SIRT5: variants seen among roughly 807,000 people sequenced by gnomAD.
SIRT5 encodes NAD-dependent protein deacylase sirtuin-5, mitochondrial.
A neutral mutation model predicts 40.0 loss-of-function variants in SIRT5; 26 were observed. The ratio of observed to expected loss-of-function variants is 0.65; its 90% CI spans 0.48 to 0.90. SIRT5 has a LOEUF of 0.90. SIRT5 is among the 40% of genes least tolerant of loss of function. The pLI is 0.00. For missense variants in SIRT5, 401 were observed against 402.4 expected, an observed-to-expected ratio of 1.00 and a Z score of 0.03; for synonymous variants, 146 against 149.1, an observed-to-expected ratio of 0.98 and a Z score of 0.15.
At chr6:13,591,633 T>A in intron 4 of SIRT5, 36 bp from the exon 5 acceptor site, 1 of 1,472,732 alleles carries the variant, frequency 6.8e-7, no homozygotes, top group Non-Finnish European at 9.1e-7. Context: ...TGGCTGTCTC[T>A]GCCTCCCTCA....
intron 9 of SIRT5, among the ~76,000 whole-genome samples, chr6:13,611,072 A>G (rs569723818): frequency 6.6e-6 from 1 of 151,734 alleles, no homozygotes; most frequent in Non-Finnish European, 1.5e-5. Context: ...GAAGCTAGTC[A>G]GAAAGTTCAA....
At chr6:13,593,653 GT>G (rs1331089923) in intron 5 of SIRT5, among the ~76,000 whole-genome samples, 1 of 151,798 alleles carries the variant, frequency 6.6e-6, no homozygotes, top group African/African-American at 2.4e-5. Context: ...CTGATGAAGG[GT>G]TTTTTTTAAG....
At chr6:13,582,697 CA>C in intron 2 of SIRT5, among the ~76,000 whole-genome samples, 1 of 151,490 alleles carries the variant, frequency 6.6e-6, no homozygotes, top group Non-Finnish European at 1.5e-5. Flanking sequence ...TTTCTGCCCC[CA>C]CAGTTTTGTT....
chr6:13,590,633 G>C (rs1011727987), intron 4 of SIRT5, among the ~76,000 whole-genome samples: 1 of 151,956 alleles, frequency 6.6e-6, no homozygotes, highest in African/African-American at 2.4e-5. Context: ...TTGTGTAATT[G>C]TGTATGTTTA....
chr6:13,590,681 AGTT>A lies in SIRT5; in HGVS notation c.250-985_250-983del, dbSNP rs1367815318. 4.6e-5 allele frequency among the ~76,000 whole-genome samples: 7 copies of A among 151,044 alleles called. No individual in the cohort carries two copies. The East Asian group carries it at 7.8e-4, about 17-fold the overall frequency. On this transcript the variant is annotated intron_variant, in intron 4 of 9. Transcript: ENST00000606117. ...CAGTTGTGTGTATGTAGATGTGTGTAGTTGTGTATGTAGATATGTGTGTATGTT... is the reference window on the plus strand; with the variant it reads ...CAGTTGTGTGTATGTAGATGTGTGTAGTGTATGTAGATATGTGTGTATGTT...
chr6:13,588,272 A>T, intron 3 of SIRT5, 59 bp from the exon 4 acceptor site: 2 of 1,564,274 alleles, frequency 1.3e-6, no homozygotes, highest in Non-Finnish European at 1.7e-6. Context: ...CAGACAATTG[A>T]TATGGGATAC....
intron 1 of SIRT5, among the ~76,000 whole-genome samples, chr6:13,575,247 C>T (rs1171262584): frequency 1.3e-5 from 2 of 152,046 alleles, no homozygotes; most frequent in African/African-American, 4.8e-5. Flanking sequence ...TCCAGAGGGG[C>T]AGGGCTGGAG....
chr6:13,601,266 C>A (rs571460574), intron 9 of SIRT5, among the ~76,000 whole-genome samples: 3 of 152,278 alleles, frequency 2.0e-5, no homozygotes, highest in African/African-American at 7.2e-5. Context: ...TTGTAGGTTA[C>A]CCAAATGCTC....
In SIRT5 at chr6:13,600,950, G is replaced by A. The variant is rs1175014282; in HGVS notation, c.857+1G>A. On this transcript the variant is annotated splice_donor_variant, in intron 9 of 9. Coordinates refer to ENST00000606117, the MANE Select transcript of SIRT5 (RefSeq NM_012241.5). LOFTEE classifies it high-confidence loss of function. Reference sequence around the variant, plus strand: ...CCACCCCAGCTACGAACAGATTCAGGTACTGGGATACCCTGATGGGAGAGG... The same window carrying A: ...CCACCCCAGCTACGAACAGATTCAGATACTGGGATACCCTGATGGGAGAGG... 8 of 1,610,924 alleles carry A rather than the reference G, an allele frequency of 5.0e-6. No homozygotes were observed. The highest frequency in any genetic ancestry group is 6.8e-6 in the Non-Finnish European group (8 of 1,177,332).
intron 2 of SIRT5, among the ~76,000 whole-genome samples, chr6:13,579,930 T>G (rs757992726): frequency 2.6e-5 from 4 of 152,232 alleles, no homozygotes; most frequent in Non-Finnish European, 5.9e-5. Flanking sequence ...AATTGAAGTT[T>G]GTCAAAAGTT....
Position 13,587,783 on chromosome 6 carries a change from A to G in SIRT5, c.116-548A>G, listed in dbSNP as rs374285711. 6.6e-5 allele frequency among the ~76,000 whole-genome samples: 10 copies of G among 152,336 alleles called. 1 individual carries two copies. The highest frequency in any genetic ancestry group is 2.4e-4 in the African/African-American group (10 of 41,570). On this transcript the variant is annotated intron_variant, in intron 3 of 9. Coordinates refer to ENST00000606117, the MANE Select transcript of SIRT5 (RefSeq NM_012241.5). ...GTCAAGAAGAAGGCCATGTGTCCTCAAATAAGACCCTTGCCCTCACCTTCA... is the reference window on the plus strand; with the variant it reads ...GTCAAGAAGAAGGCCATGTGTCCTCGAATAAGACCCTTGCCCTCACCTTCA...
chr6:13,590,667 A>T (rs375004739), intron 4 of SIRT5, among the ~76,000 whole-genome samples: 5 of 149,312 alleles, frequency 3.3e-5, no homozygotes, highest in African/African-American at 1.2e-4. Flanking sequence ...AGTTGTGTGT[A>T]TGTAGATGTG....
In SIRT5 at chr6:13,576,571, A is replaced by G. The variant is rs77413050; in HGVS notation, c.-195+1827A>G. 7.8e-3 allele frequency among the ~76,000 whole-genome samples: 1,194 copies of G among 152,264 alleles called. 9 individuals are homozygous for G. Among genetic ancestry groups the G allele is most frequent in the African/African-American group, 0.027 (1,109 of 41,554 alleles). ...ATTTTAGATAAGAGCCCCTTATCAGATGCATGGTTTGCAAATATTTTCTCC... is the reference window on the plus strand; with the variant it reads ...ATTTTAGATAAGAGCCCCTTATCAGGTGCATGGTTTGCAAATATTTTCTCC... On this transcript the variant is annotated intron_variant, in intron 1 of 9. Coordinates refer to ENST00000606117, the MANE Select transcript of SIRT5 (RefSeq NM_012241.5).
intron 2 of SIRT5, among the ~76,000 whole-genome samples, chr6:13,579,995 T>G (rs1310950549): frequency 6.6e-6 from 1 of 152,258 alleles, no homozygotes; most frequent in African/African-American, 2.4e-5. Flanking sequence ...CAAGCTTTCT[T>G]TAAATCAAGC....
rs1764144404 is a variant in SIRT5, at chr6:13,613,948, T to C, written c.*2083T>C. On this transcript the variant is annotated 3_prime_UTR_variant, in exon 10 of 10. Transcript: ENST00000606117. ...TTTCAAAACTGTTCTTTGCAATTCC[T>C]CTCATACTGAACCTCTGGTTCAGCA... The C allele has an allele frequency of 6.6e-6, 1 of 152,250 alleles. No individual in the cohort carries two copies. Among genetic ancestry groups the C allele is most frequent in the South Asian group, 2.1e-4 (1 of 4,836 alleles). 9.4% of individuals were successfully genotyped at this position (152,250 alleles called of 1,614,324 possible).
At chr6:13,578,633 A>AG in intron 1 of SIRT5, among the ~76,000 whole-genome samples, 1 of 151,508 alleles carries the variant, frequency 6.6e-6, no homozygotes, top group Non-Finnish European at 1.5e-5. Flanking sequence ...AAAAAAAAAA[A>AG]AAAAGAAAAT....
intron 2 of SIRT5, among the ~76,000 whole-genome samples, chr6:13,580,702 C>G (rs1213392050): frequency 1.3e-5 from 2 of 152,158 alleles, no homozygotes; most frequent in Non-Finnish European, 2.9e-5. Flanking sequence ...GACAGGGTCT[C>G]ACTCACCCAG....
At chr6:13,582,124 C>T (rs1208960264) in intron 2 of SIRT5, among the ~76,000 whole-genome samples, 1 of 152,178 alleles carries the variant, frequency 6.6e-6, no homozygotes, top group Non-Finnish European at 1.5e-5. Flanking sequence ...GCAACTTGCT[C>T]GAGTACAAGT....
At chr6:13,606,435 C>A (rs1239558843) in intron 9 of SIRT5, among the ~76,000 whole-genome samples, 1 of 152,056 alleles carries the variant, frequency 6.6e-6, no homozygotes, top group Admixed American at 6.6e-5. Flanking sequence ...AGTTACCTAT[C>A]TAGGGTGTGA....
Sources: allele counts gnomAD v4.1 joint callset (sites outside exome capture counted in the v4.1 genomes callset), GRCh38; gene constraint gnomAD v4.1.1; transcripts MANE v1.5; gene names NCBI Gene and HGNC (gene_info 2026-07-23, HGNC 2026-07-21).